ANP32A: variants seen among roughly 807,000 people sequenced by gnomAD.
ANP32A encodes acidic nuclear phosphoprotein 32 family member A, also known as acidic leucine-rich nuclear phosphoprotein 32 family member A.
ANP32A carries 1 observed loss-of-function variant against 33.9 expected under a neutral mutation model. That is an observed-to-expected ratio of 0.03 (90% CI 0.01 to 0.14). The LOEUF is 0.14. ANP32A is among the 10% of genes least tolerant of loss of function. The pLI is 1.00. For synonymous variants in ANP32A, 115 were observed against 120.5 expected, an observed-to-expected ratio of 0.95 and a Z score of 0.30; for missense variants, 155 against 306.0, an observed-to-expected ratio of 0.51 and a Z score of 3.68.
At position 68,779,837 on chromosome 15, in the gene ANP32A, G is replaced by A. The variant is rs778246139; in HGVS notation, c.*244C>T. 6.4e-5 allele frequency: 33 copies of A among 513,202 alleles called. No individual in the cohort carries two copies. Among genetic ancestry groups the A allele is most frequent in the Non-Finnish European group, 8.3e-5 (24 of 288,950 alleles). The allele number at this position is 513,202 out of a possible 1,614,324, so 31.8% of individuals were successfully genotyped here. A position where few individuals can be genotyped will look rare whatever the true frequency, so the allele number is the denominator to read the frequency against. Reference sequence around the variant, plus strand: ...TATCGCATTTACAGGGACAAAAACCGGACACAAAGAAAAAGTAGGGGAAAA... The same window carrying A: ...TATCGCATTTACAGGGACAAAAACCAGACACAAAGAAAAAGTAGGGGAAAA... On this transcript the variant is annotated 3_prime_UTR_variant, in exon 7 of 7. Coordinates refer to ENST00000465139, the MANE Select transcript of ANP32A (RefSeq NM_006305.4).
chr15:68,778,827 C>T lies in ANP32A; in HGVS notation c.*1254G>A, dbSNP rs1181380693. The T allele has an allele frequency of 6.6e-6, 1 of 152,048 alleles. No individual in the cohort carries two copies. Among genetic ancestry groups the T allele is most frequent in the African/African-American group, 2.4e-5 (1 of 41,380 alleles). 9.4% of individuals were successfully genotyped at this position (152,048 alleles called of 1,614,324 possible). On this transcript the variant is annotated 3_prime_UTR_variant, in exon 7 of 7. Coordinates refer to ENST00000465139, the MANE Select transcript of ANP32A (RefSeq NM_006305.4). The stretch of plus-strand genomic sequence containing the variant: ...TCAGGTAACAAAAATGAAGCTTCCC[C>T]CTCACCTAGCAGTTCATCTGGAATG...
intron 5 of ANP32A, among the ~76,000 whole-genome samples, chr15:68,782,010 A>C (rs925273589): frequency 6.6e-6 from 1 of 152,208 alleles, no homozygotes; most frequent in Non-Finnish European, 1.5e-5. Flanking sequence ...ATGTGTCTGC[A>C]TCCTCCATTG....
intron 1 of ANP32A, among the ~76,000 whole-genome samples, chr15:68,788,417 G>A (rs1352232042): frequency 2.0e-5 from 3 of 149,736 alleles, no homozygotes; most frequent in Non-Finnish European, 2.9e-5. Flanking sequence ...CGCTGTAGCT[G>A]GCATTCACAT....
chr15:68,817,678 C>G (rs1419898777), intron 1 of ANP32A: 3 of 25,096 alleles, frequency 1.2e-4, no homozygotes, highest in Non-Finnish European at 3.0e-4. Context: ...AGGCAGGGAG[C>G]GCGTGGGGGG....
intron 5 of ANP32A, among the ~76,000 whole-genome samples, chr15:68,781,851 G>A (rs1264124716): frequency 9.2e-5 from 14 of 152,120 alleles, no homozygotes; most frequent in African/African-American, 2.4e-4. Flanking sequence ...TGATCCGCCC[G>A]CCTCGGCCTC....
chr15:68,815,936 G>GT (rs1360307009), intron 1 of ANP32A, among the ~76,000 whole-genome samples: 2 of 152,180 alleles, frequency 1.3e-5, no homozygotes, highest in Non-Finnish European at 2.9e-5. Flanking sequence ...GTTATGTTGA[G>GT]TTTTTTTGGC....
intron 1 of ANP32A, among the ~76,000 whole-genome samples, chr15:68,808,894 T>C (rs1596074148): frequency 6.6e-6 from 1 of 152,096 alleles, no homozygotes. Context: ...GCAAACACAC[T>C]CTGCGGGCCT....
intron 5 of ANP32A, among the ~76,000 whole-genome samples, chr15:68,782,524 ACT>A (rs1893882325): frequency 6.6e-6 from 1 of 151,968 alleles, no homozygotes; most frequent in Non-Finnish European, 1.5e-5. Flanking sequence ...CCATAGTGTC[ACT>A]CTCTGATTTG....
intron 1 of ANP32A, among the ~76,000 whole-genome samples, chr15:68,796,523 G>A (rs779218711): frequency 2.6e-5 from 4 of 152,134 alleles, no homozygotes; most frequent in Non-Finnish European, 5.9e-5. Flanking sequence ...CCGCAGACTC[G>A]ACTCTTTCTA....
intron 1 of ANP32A, among the ~76,000 whole-genome samples, chr15:68,813,327 C>T (rs1191217230): frequency 6.6e-6 from 1 of 152,210 alleles, no homozygotes; most frequent in East Asian, 1.9e-4. Flanking sequence ...GACAAGGAGG[C>T]TGCTTCCATG....
chr15:68,787,604 C>T (rs1168571679), intron 2 of ANP32A, 69 bp from the exon 3 acceptor site: 41 of 1,608,284 alleles, frequency 2.5e-5, no homozygotes, highest in Admixed American at 8.4e-5. Flanking sequence ...CAGAGCTGCC[C>T]GGCTTTCCCC....
At chr15:68,793,174 G>A (rs1471817644) in intron 1 of ANP32A, among the ~76,000 whole-genome samples, 1 of 152,150 alleles carries the variant, frequency 6.6e-6, no homozygotes, top group African/African-American at 2.4e-5. Flanking sequence ...AGCCTACCAG[G>A]GAGCGGAGAC....
At chr15:68,820,093 A>C (rs1894450353) in intron 1 of ANP32A, among the ~76,000 whole-genome samples, 1 of 152,020 alleles carries the variant, frequency 6.6e-6, no homozygotes, top group African/African-American at 2.4e-5. Flanking sequence ...ACTCCGCTGC[A>C]GCCCCCTCCC....
intron 1 of ANP32A, among the ~76,000 whole-genome samples, chr15:68,818,874 C>T (rs966465061): frequency 6.6e-6 from 1 of 151,856 alleles, no homozygotes; most frequent in Admixed American, 6.5e-5. Flanking sequence ...CGCCGGGTCC[C>T]GGCCGGGACG....
chr15:68,782,322 A>C (rs145576869), intron 5 of ANP32A, among the ~76,000 whole-genome samples: 37 of 152,294 alleles, frequency 2.4e-4, no homozygotes, highest in African/African-American at 8.2e-4. Context: ...TCCTCTTAAC[A>C]ACCCTGTGAG....
intron 3 of ANP32A, among the ~76,000 whole-genome samples, chr15:68,785,480 G>A (rs1318346155): frequency 6.6e-6 from 1 of 152,190 alleles, no homozygotes. Flanking sequence ...AGGTGGCCAG[G>A]TCTAACAAGG....
Position 68,820,861 on chromosome 15 carries a change from C to T in ANP32A, c.-110G>A. 1.5e-6 allele frequency: 2 copies of T among 1,342,002 alleles called. No individual in the cohort carries two copies. The highest frequency in any genetic ancestry group is 2.1e-6 in the Non-Finnish European group (2 of 953,168). The allele number at this position is 1,342,002 out of a possible 1,614,324, so 83.1% of individuals were successfully genotyped here. A position where few individuals can be genotyped will look rare whatever the true frequency, so the allele number is the denominator to read the frequency against. ...CTTTGAAGGCTCAACCAGCTCCGCT[C>T]GGTTCTCGAGCCCCCAGCACCCGCG... On this transcript the variant is annotated 5_prime_UTR_variant, in exon 1 of 7. Coordinates refer to ENST00000465139, the MANE Select transcript of ANP32A (RefSeq NM_006305.4).
rs188727798 is a variant in ANP32A at position 68,805,669 on chromosome 15, T to C, written c.54+15029A>G. Among the ~76,000 whole-genome samples, 152 of 152,292 alleles carry C rather than the reference T, an allele frequency of 1.0e-3. 1 individual carries two copies. The South Asian group carries it at 0.018, about 18-fold the overall frequency. On this transcript the variant is annotated intron_variant, in intron 1 of 6. Coordinates refer to ENST00000465139, the MANE Select transcript of ANP32A (RefSeq NM_006305.4). ...TAGCTTGTTTATTGGGAAGAGGACT[T>C]CTAGAGGTACTTCTAGATCAGATAT... is the stretch of plus-strand genomic sequence containing the variant.
chr15:68,805,759 C>A (rs1894211233), intron 1 of ANP32A, among the ~76,000 whole-genome samples: 1 of 152,208 alleles, frequency 6.6e-6, no homozygotes, highest in African/African-American at 2.4e-5. Context: ...AATGCCACCT[C>A]CTCAGAGAGG....
Sources: allele counts gnomAD v4.1 joint callset (sites outside exome capture counted in the v4.1 genomes callset), GRCh38; gene constraint gnomAD v4.1.1; transcripts MANE v1.5; gene names NCBI Gene and HGNC (gene_info 2026-07-23, HGNC 2026-07-21).